Variants in CCDC14 observed in about 807,000 individuals in gnomAD.
CCDC14 encodes the protein coiled-coil domain-containing protein 14.
Under a neutral mutation model 81.4 loss-of-function variants are expected in CCDC14, and 71 were observed. The observed-to-expected ratio is 0.87, with a 90% confidence interval of 0.72 to 1.06. CCDC14 has a LOEUF of 1.06. Among genes scored for constraint, CCDC14 ranks in the 50% least tolerant of loss-of-function variants. The probability of loss-of-function intolerance (pLI) is 0.00; values close to 1 mark genes in which losing one functional copy is unlikely to be tolerated. For missense variants in CCDC14, 1,046 were observed against 1,047.3 expected, an observed-to-expected ratio of 1.00 and a Z score of 0.02; for synonymous variants, 332 against 364.8, an observed-to-expected ratio of 0.91 and a Z score of 1.03.
chr3:123,944,117 T>C (rs1227144696), intron 9 of CCDC14, among the ~76,000 whole-genome samples: 1 of 152,110 alleles, frequency 6.6e-6, no homozygotes, highest in African/African-American at 2.4e-5. Flanking sequence ...AGTGTTGGAA[T>C]TGAACTGGAG....
At chr3:123,919,338 G>T (rs1215160084) in intron 12 of CCDC14, among the ~76,000 whole-genome samples, 1 of 152,164 alleles carries the variant, frequency 6.6e-6, no homozygotes, top group Admixed American at 6.5e-5. Context: ...TTTTGCCCAG[G>T]CCCAGGCAGG....
chr3:123,901,894 C>T (rs1463835682), intron 5 of CCDC14, among the ~76,000 whole-genome samples: 1 of 151,762 alleles, frequency 6.6e-6, no homozygotes, highest in African/African-American at 2.4e-5. Context: ...TCAAAAGGCC[C>T]AACAAACATA....
rs1473439280 is a variant in CCDC14, at chr3:123,948,945, G to C, written c.540C>G (p.Asn180Lys). The change falls in exon 6 of 13, where the codon AAC becomes AAG. Residue 180 changes from asparagine (N) to lysine (K), a missense_variant. By Grantham distance (94) the Asn-to-Lys change is moderately conservative (BLOSUM62 0). Transcript: ENST00000409697. ...MSLMNDLTSK[N>K]IPNGIPAVPC... ...GTACAGCAGGAATTCCATTAGGGATGTTCTTTGAAGTCAAGTCATTCATCA... is the reference window on the plus strand; with the variant it reads ...GTACAGCAGGAATTCCATTAGGGATCTTCTTTGAAGTCAAGTCATTCATCA... The C allele has an allele frequency of 1.2e-6, 2 of 1,614,018 alleles. No homozygotes were observed. The highest frequency in any genetic ancestry group is 1.7e-6 in the Non-Finnish European group (2 of 1,179,882).
intron 12 of CCDC14, chr3:123,930,687 T>C (rs2035644201): frequency 6.4e-6 from 1 of 155,376 alleles, no homozygotes; most frequent in Non-Finnish European, 1.4e-5. Context: ...TCATGAATGA[T>C]TTCTTAGTTT....
At chr3:123,950,021 C>T (rs760401297) in intron 5 of CCDC14, among the ~76,000 whole-genome samples, 6 of 152,120 alleles carry the variant, frequency 3.9e-5, no homozygotes, top group Non-Finnish European at 7.4e-5. Context: ...AGGTAGAAAT[C>T]GGTATTAACA....
At chr3:123,945,185 A>G (rs2036556863) in intron 8 of CCDC14, among the ~76,000 whole-genome samples, 195 bp from the exon 9 acceptor site, 1 of 152,078 alleles carries the variant, frequency 6.6e-6, no homozygotes, top group Admixed American at 6.6e-5. Flanking sequence ...TCAGAATTCT[A>G]AAGAAATTAA....
intron 12 of CCDC14, among the ~76,000 whole-genome samples, chr3:123,926,245 A>G (rs1372051708): frequency 6.6e-6 from 1 of 152,040 alleles, no homozygotes; most frequent in Non-Finnish European, 1.5e-5. Flanking sequence ...ATGACTCACC[A>G]TTGTCTCTGA....
Position 123,955,819 on chromosome 3 carries a change from ATAAC to A in CCDC14, c.352+20_352+23del. 2.0e-6 allele frequency: 3 copies of A among 1,472,876 alleles called. No individual in the cohort carries two copies. Among genetic ancestry groups the A allele is most frequent in the East Asian group, 4.9e-5 (2 of 40,484 alleles). The allele number at this position is 1,472,876 out of a possible 1,614,324, so 91.2% of individuals were successfully genotyped here. On this transcript the variant is annotated intron_variant, in intron 5 of 12. Transcript: ENST00000409697. The stretch of plus-strand genomic sequence containing the variant: ...ACCCACAATTAAGGATTATCTTTAA[ATAAC>A]TAAGAGAAAAAAGGCTTACATGTTT...
chr3:123,927,928 T>C (rs938491424), intron 12 of CCDC14, among the ~76,000 whole-genome samples: 5 of 152,166 alleles, frequency 3.3e-5, no homozygotes, highest in African/African-American at 9.7e-5. Flanking sequence ...CCCTCAATAA[T>C]GGAGCATCTT....
chr3:123,948,994 TCA>T lies in CCDC14; in HGVS notation c.489_490del (p.Cys163Ter), dbSNP rs2036845284. The T allele has an allele frequency of 1.9e-6, 3 of 1,613,866 alleles. No individual in the cohort carries two copies. The highest frequency in any genetic ancestry group is 1.3e-5 in the African/African-American group (1 of 74,934). ...CAGTGACATCTGAGTCTGCACGTGC[TCA>T]CAGAGGGCTTGGTATATTATGGGTG... On this transcript the variant is annotated stop_gained and frameshift_variant, in exon 6 of 13. Coordinates refer to ENST00000409697, the MANE Select transcript of CCDC14 (RefSeq NM_001366335.1). LOFTEE classifies it high-confidence loss of function.
chr3:123,949,508 G>C (rs1006932223), intron 5 of CCDC14: 1 of 182,942 alleles, frequency 5.5e-6, no homozygotes, highest in Non-Finnish European at 1.2e-5. Flanking sequence ...AATGCAATAG[G>C]AAAGAGAATA....
chr3:123,961,210 T>G lies in CCDC14; in HGVS notation c.-37A>C. ...TCAGAGAAGCCCAGACCGAGGGAAGTGAAGCCTCACGGTAAAAAGAATTAA... is the reference window on the plus strand; with the variant it reads ...TCAGAGAAGCCCAGACCGAGGGAAGGGAAGCCTCACGGTAAAAAGAATTAA... On this transcript the variant is annotated 5_prime_UTR_variant, in exon 1 of 13. Coordinates refer to ENST00000409697, the MANE Select transcript of CCDC14 (RefSeq NM_001366335.1). 1 of 1,551,544 alleles carries G rather than the reference T, an allele frequency of 6.4e-7. No homozygotes were observed. The highest frequency in any genetic ancestry group is 1.7e-4 in the Middle Eastern group (1 of 5,992).
intron 1 of CCDC14, chr3:123,958,294 A>G (rs1395369258): frequency 6.6e-6 from 1 of 152,082 alleles, no homozygotes; most frequent in Non-Finnish European, 1.5e-5. Context: ...AACTACCACA[A>G]TTAAAGTACA....
At position 123,923,372 on chromosome 3, in the gene CCDC14, A is replaced by G. The variant is rs77566951; in HGVS notation, c.1779-7654T>C. ...AAGTTTTTCCTCTAAGATCAAGAGT[A>G]AGGTAAGAAGGCCCACTCTCACCAC... On this transcript the variant is annotated intron_variant, in intron 12 of 12. Transcript: ENST00000409697. Among the ~76,000 whole-genome samples, 354 of 152,174 alleles carry G rather than the reference A, an allele frequency of 2.3e-3. No individual in the cohort carries two copies. In the Middle Eastern group the frequency reaches 0.024, roughly 10 times the overall value.
intron 9 of CCDC14, among the ~76,000 whole-genome samples, chr3:123,937,486 G>A (rs1465744915): frequency 4.6e-5 from 7 of 151,768 alleles, no homozygotes; most frequent in Admixed American, 1.3e-4. Flanking sequence ...TGAAGTGTCT[G>A]TTCAAATATT....
chr3:123,926,111 A>T (rs537894767), intron 12 of CCDC14, among the ~76,000 whole-genome samples: 4 of 152,170 alleles, frequency 2.6e-5, no homozygotes, highest in Admixed American at 6.5e-5. Flanking sequence ...TTCCAGTTTT[A>T]AAAAAAATTA....
intron 5 of CCDC14, among the ~76,000 whole-genome samples, chr3:123,898,134 G>A (rs2034107360): frequency 6.6e-6 from 1 of 152,170 alleles, no homozygotes; most frequent in Non-Finnish European, 1.5e-5. Context: ...AGTCACTGAA[G>A]CTTTCTTATT....
Position 123,961,202 on chromosome 3 carries a change from G to A in CCDC14, c.-29C>T, listed in dbSNP as rs1245522632. The stretch of plus-strand genomic sequence containing the variant: ...TCGCCGCCTCAGAGAAGCCCAGACC[G>A]AGGGAAGTGAAGCCTCACGGTAAAA... On this transcript the variant is annotated 5_prime_UTR_variant, in exon 1 of 13. Coordinates refer to ENST00000409697, the MANE Select transcript of CCDC14 (RefSeq NM_001366335.1). The A allele has an allele frequency of 4.5e-6, 7 of 1,551,618 alleles. 1 individual carries two copies. In the South Asian group the frequency reaches 4.8e-5, roughly 11 times the overall value.
downstream of CCDC14, among the ~76,000 whole-genome samples, chr3:123,895,606 G>T (rs2034048762): frequency 6.6e-6 from 1 of 152,210 alleles, no homozygotes; most frequent in African/African-American, 2.4e-5. Flanking sequence ...CTAGGATGAA[G>T]CCTGGGGAAT....
Sources: gnomAD v4.1 joint callset for allele counts (sites outside exome capture counted in the v4.1 genomes callset) on GRCh38, gnomAD v4.1.1 for gene constraint, MANE v1.5 for transcripts, NCBI Gene and HGNC (gene_info 2026-07-23, HGNC 2026-07-21) for gene names.